The following MAST2 variants were observed in gnomAD, a reference collection of about 807,000 sequenced individuals.
MAST2 encodes microtubule associated serine/threonine kinase 2.
In MAST2, 70 loss-of-function variants were observed where a neutral mutation model predicts 147.4. That is an observed-to-expected ratio of 0.47 (90% CI 0.39 to 0.58). The LOEUF (loss-of-function observed/expected upper bound fraction) is 0.58, where lower values mean the gene tolerates loss of function less well. Ranked by LOEUF, MAST2 falls within the 20% of genes least tolerant of loss-of-function variation. The pLI is 0.00. For synonymous variants in MAST2, 869 were observed against 896.8 expected, an observed-to-expected ratio of 0.97 and a Z score of 0.55; for missense variants, 2,080 against 2,302.3, an observed-to-expected ratio of 0.90 and a Z score of 1.98.
intron 4 of MAST2, among the ~76,000 whole-genome samples, chr1:45,953,684 A>C (rs1455392939): frequency 1.3e-5 from 2 of 152,214 alleles, no homozygotes; most frequent in African/African-American, 4.8e-5. Context: ...AGTAGCTAGA[A>C]GTGCCTGTGC....
intron 3 of MAST2, among the ~76,000 whole-genome samples, chr1:45,850,292 G>A (rs1358571740): frequency 6.6e-6 from 1 of 152,052 alleles, no homozygotes; most frequent in Admixed American, 6.6e-5. Flanking sequence ...TTGTGATGGG[G>A]TTGTTTTTTG....
chr1:45,902,242 A>T (rs537307777), intron 4 of MAST2, among the ~76,000 whole-genome samples: 104 of 152,258 alleles, frequency 6.8e-4, no homozygotes, highest in African/African-American at 2.5e-3. Context: ...TGACATGATC[A>T]TATGGTTTTT....
At chr1:45,999,197 C>T (rs368209244) in intron 6 of MAST2, among the ~76,000 whole-genome samples, 2 of 152,190 alleles carry the variant, frequency 1.3e-5, no homozygotes, top group Admixed American at 1.3e-4. Context: ...TGATAGCTGA[C>T]GTGGGTTTCC....
intron 6 of MAST2, 27 bp downstream of exon 6, chr1:45,997,826 G>A: frequency 6.3e-7 from 1 of 1,590,390 alleles, no homozygotes; most frequent in Non-Finnish European, 8.6e-7. Context: ...CCTCCTCTGG[G>A]ACCAGCACAT....
At chr1:45,917,131 A>G (rs1409028103) in intron 4 of MAST2, among the ~76,000 whole-genome samples, 1 of 152,220 alleles carries the variant, frequency 6.6e-6, no homozygotes, top group African/African-American at 2.4e-5. Context: ...CAAATCTTAA[A>G]TGTTGTATTT....
Position 45,990,287 on chromosome 1 carries a change from T to C in MAST2, c.593-7437T>C, listed in dbSNP as rs12086731. Among the ~76,000 whole-genome samples the C allele has an allele frequency of 2.2e-3, 341 of 152,360 alleles. 2 individuals are homozygous for C. Among genetic ancestry groups the C allele is most frequent in the African/African-American group, 7.8e-3 (323 of 41,584 alleles). ...TGTAGTTTTAATTTGCAATGTCCTA[T>C]GCCAAATGATGTTGAGAATCTTTTT... On this transcript the variant is annotated intron_variant, in intron 5 of 28. Transcript: ENST00000361297.
At chr1:45,990,450 T>G (rs1172600503) in intron 5 of MAST2, among the ~76,000 whole-genome samples, 2 of 151,996 alleles carry the variant, frequency 1.3e-5, no homozygotes, top group East Asian at 3.9e-4. Context: ...AGTATGTGGG[T>G]TTTTGGTTTT....
chr1:45,921,673 G>A (rs1653515277), intron 4 of MAST2, among the ~76,000 whole-genome samples: 1 of 152,198 alleles, frequency 6.6e-6, no homozygotes, highest in South Asian at 2.1e-4. Flanking sequence ...AGGGAACGCG[G>A]TGGTGCCCAG....
intron 3 of MAST2, among the ~76,000 whole-genome samples, chr1:45,869,640 G>T (rs61783220): frequency 6.6e-6 from 1 of 151,874 alleles, no homozygotes. Context: ...TTGAAATAGC[G>T]GTGTTACTCT....
intron 3 of MAST2, among the ~76,000 whole-genome samples, chr1:45,872,217 G>T (rs1646422250): frequency 6.6e-6 from 1 of 152,186 alleles, no homozygotes; most frequent in Non-Finnish European, 1.5e-5. Flanking sequence ...AATGAGCCAG[G>T]CTGAGTCCCA....
At position 45,833,614 on chromosome 1, in the gene MAST2, C is replaced by T. The variant is rs139054452; in HGVS notation, c.468+4033C>T. On this transcript the variant is annotated intron_variant, in intron 3 of 28. Coordinates refer to ENST00000361297, the MANE Select transcript of MAST2 (RefSeq NM_015112.3). Reference sequence around the variant, plus strand: ...TGAAGAACTTTGATTTCTCTACATCCTTGCTATCCTGGTGGGTGGGAAGTG... The same window carrying T: ...TGAAGAACTTTGATTTCTCTACATCTTTGCTATCCTGGTGGGTGGGAAGTG... Among the ~76,000 whole-genome samples, 558 of 152,162 alleles carry T rather than the reference C, an allele frequency of 3.7e-3. 3 individuals are homozygous for T. The highest frequency in any genetic ancestry group is 6.1e-3 in the Non-Finnish European group (416 of 67,998).
At chr1:45,839,532 C>T (rs553498189) in intron 3 of MAST2, among the ~76,000 whole-genome samples, 4 of 152,182 alleles carry the variant, frequency 2.6e-5, no homozygotes, top group South Asian at 2.1e-4. Flanking sequence ...CCTGGCCTCC[C>T]GAAATGCTGG....
intron 4 of MAST2, among the ~76,000 whole-genome samples, chr1:45,883,257 T>C (rs902359940): frequency 4.6e-5 from 7 of 152,234 alleles, no homozygotes; most frequent in African/African-American, 1.7e-4. Context: ...AAGTATACTT[T>C]ATATACACAT....
chr1:45,963,464 G>A (rs771211606), intron 5 of MAST2, among the ~76,000 whole-genome samples: 42 of 152,134 alleles, frequency 2.8e-4, no homozygotes, highest in Non-Finnish European at 5.3e-4. Flanking sequence ...AGTTTTCCTT[G>A]AAGAGGTCCT....
At chr1:45,992,183 G>C (rs1004497931) in intron 5 of MAST2, among the ~76,000 whole-genome samples, 1 of 152,056 alleles carries the variant, frequency 6.6e-6, no homozygotes, top group African/African-American at 2.4e-5. Context: ...GTCTTCTGTA[G>C]ATGTTCTTGG....
At chr1:45,926,797 T>C (rs1654444729) in intron 4 of MAST2, among the ~76,000 whole-genome samples, 1 of 152,198 alleles carries the variant, frequency 6.6e-6, no homozygotes, top group South Asian at 2.1e-4. Context: ...AGACTAGTGC[T>C]GTGCTTTAAC....
chr1:45,948,906 G>A (rs944416884), intron 4 of MAST2, among the ~76,000 whole-genome samples: 1 of 151,744 alleles, frequency 6.6e-6, no homozygotes, highest in Non-Finnish European at 1.5e-5. Flanking sequence ...TAAAAATCAG[G>A]GGTTTTAAAA....
chr1:46,021,940 C>T lies in MAST2; in HGVS notation c.1291-10C>T, dbSNP rs1369331715. On this transcript the variant is annotated splice_polypyrimidine_tract_variant and intron_variant, in intron 11 of 28. Transcript: ENST00000361297. ...CTGTCACCACTGACTATCTCTCTCC[C>T]TTGGTACAGGAGTTTGACCCTGAAG... The T allele has an allele frequency of 2.5e-6, 4 of 1,613,942 alleles. No homozygotes were observed. Among genetic ancestry groups the T allele is most frequent in the Non-Finnish European group, 3.4e-6 (4 of 1,179,878 alleles).
intron 1 of MAST2, among the ~76,000 whole-genome samples, chr1:45,822,547 T>A (rs147123027): frequency 1.3e-5 from 2 of 152,312 alleles, no homozygotes; most frequent in African/African-American, 4.8e-5. Flanking sequence ...TTGTTCTTTC[T>A]CTGGCTAAGA....
Sources: gnomAD v4.1 joint callset for allele counts (sites outside exome capture counted in the v4.1 genomes callset) on GRCh38, gnomAD v4.1.1 for gene constraint, MANE v1.5 for transcripts, NCBI Gene and HGNC (gene_info 2026-07-23, HGNC 2026-07-21) for gene names.